The following VDAC1 variants were observed in gnomAD, a reference collection of about 807,000 sequenced individuals.
VDAC1 encodes the protein non-selective voltage-gated ion channel VDAC1.
Under a neutral mutation model 34.7 loss-of-function variants are expected in VDAC1, and 10 were observed. The ratio of observed to expected loss-of-function variants is 0.29; its 90% CI spans 0.18 to 0.49. The LOEUF is 0.49. VDAC1 is among the 20% of genes least tolerant of loss of function. VDAC1 has a pLI of 0.99. For synonymous variants in VDAC1, 130 were observed against 136.0 expected (o/e 0.96, Z 0.30); for missense variants, 230 against 347.9 (o/e 0.66, Z 2.69).
At chr5:134,025,272 G>A in the VDAC1 span, among the ~76,000 whole-genome samples, 1 of 152,122 alleles carries the variant, frequency 6.6e-6, no homozygotes, top group Non-Finnish European at 1.5e-5. Context: ...GCATGGGGTT[G>A]GGAGGAGGTT....
the VDAC1 span, among the ~76,000 whole-genome samples, chr5:134,070,924 C>T: frequency 6.6e-6 from 1 of 152,180 alleles, no homozygotes; most frequent in Non-Finnish European, 1.5e-5. Context: ...AGAACTTGTA[C>T]AAATTTATTG....
chr5:134,011,564 G>A, the VDAC1 span, among the ~76,000 whole-genome samples: 5,293 of 151,632 alleles, frequency 0.035, 315 homozygotes, highest in African/African-American at 0.12. Flanking sequence ...CAGATGTTAC[G>A]GATCTTGACA....
At chr5:134,112,252 C>T in the VDAC1 span, among the ~76,000 whole-genome samples, 1 of 152,198 alleles carries the variant, frequency 6.6e-6, no homozygotes, top group Admixed American at 6.5e-5. Context: ...TCTTTCTGTC[C>T]ATTACCTGTA....
the VDAC1 span, among the ~76,000 whole-genome samples, chr5:134,096,632 G>T: frequency 6.6e-6 from 1 of 150,750 alleles, no homozygotes; most frequent in Non-Finnish European, 1.5e-5. Flanking sequence ...TTGAGACAGG[G>T]TCTCACTCTG....
the VDAC1 span, among the ~76,000 whole-genome samples, chr5:134,054,072 A>C: frequency 6.6e-6 from 1 of 152,194 alleles, no homozygotes; most frequent in Non-Finnish European, 1.5e-5. Flanking sequence ...GCAGTAAAAC[A>C]TTTCAATTAT....
chr5:133,986,194 A>G (rs1241811817), intron 5 of VDAC1, among the ~76,000 whole-genome samples: 1 of 152,194 alleles, frequency 6.6e-6, no homozygotes, highest in Non-Finnish European at 1.5e-5. Flanking sequence ...ATGGATACTC[A>G]GCGTGGGTGC....
At chr5:134,070,350 G>C in the VDAC1 span, among the ~76,000 whole-genome samples, 1 of 152,006 alleles carries the variant, frequency 6.6e-6, no homozygotes, top group Non-Finnish European at 1.5e-5. Flanking sequence ...ATCCTATCTA[G>C]TCACCCTAGT....
upstream of VDAC1, chr5:134,005,520 T>A (rs979537767): frequency 6.6e-6 from 1 of 152,236 alleles, no homozygotes; most frequent in Admixed American, 6.5e-5. Context: ...TTTCCATGCA[T>A]TTGAGAGGCA....
chr5:134,037,869 AAT>A, the VDAC1 span, among the ~76,000 whole-genome samples: 1 of 152,220 alleles, frequency 6.6e-6, no homozygotes, highest in African/African-American at 2.4e-5. Flanking sequence ...GTATTGTATC[AAT>A]GTTAACTCCT....
At chr5:134,033,193 T>C in the VDAC1 span, among the ~76,000 whole-genome samples, 8 of 146,796 alleles carry the variant, frequency 5.4e-5, no homozygotes, top group Non-Finnish European at 8.9e-5. Context: ...CGTCTGGCTC[T>C]GTCACCCAGG....
chr5:133,996,330 C>A (rs901935807), intron 1 of VDAC1, among the ~76,000 whole-genome samples: 1 of 152,204 alleles, frequency 6.6e-6, no homozygotes, highest in Non-Finnish European at 1.5e-5. Flanking sequence ...GCCTGCCAGT[C>A]TACCTACCCA....
chr5:133,989,157 G>A (rs527616126), intron 5 of VDAC1: 1 of 152,312 alleles, frequency 6.6e-6, no homozygotes, highest in African/African-American at 2.4e-5. Flanking sequence ...ATCTCCAGAG[G>A]ATAGGAACCA....
chr5:134,074,939 G>A, the VDAC1 span, among the ~76,000 whole-genome samples: 3 of 152,092 alleles, frequency 2.0e-5, no homozygotes, highest in African/African-American at 2.4e-5. Context: ...GACTGCCCCA[G>A]ACTCCAGACC....
At chr5:134,078,781 G>C in the VDAC1 span, among the ~76,000 whole-genome samples, 1 of 149,912 alleles carries the variant, frequency 6.7e-6, no homozygotes, top group Non-Finnish European at 1.5e-5. Flanking sequence ...CTCCCAAGTA[G>C]CTGGGATTAC....
chr5:134,101,816 C>T, the VDAC1 span, among the ~76,000 whole-genome samples: 1 of 152,214 alleles, frequency 6.6e-6, no homozygotes, highest in Non-Finnish European at 1.5e-5. Flanking sequence ...TGATGTGGGG[C>T]TCCAGCAGGA....
At chr5:133,980,689 A>AAGC in intron 6 of VDAC1, 40 bp downstream of exon 6, 1 of 564,058 alleles carries the variant, frequency 1.8e-6, no homozygotes, top group Non-Finnish European at 3.4e-6. Context: ...ACATGCTCCA[A>AAGC]CCCCACCCCT....
At chr5:134,010,573 G>A in the VDAC1 span, among the ~76,000 whole-genome samples, 1 of 152,228 alleles carries the variant, frequency 6.6e-6, no homozygotes, top group South Asian at 2.1e-4. Flanking sequence ...ACTCCAGCCT[G>A]GGGGACAAGA....
chr5:134,045,546 C>A, the VDAC1 span, among the ~76,000 whole-genome samples: 1 of 152,326 alleles, frequency 6.6e-6, no homozygotes, highest in South Asian at 2.1e-4. Context: ...ATCTCCAAAT[C>A]TGTCTCTGGC....
chr5:134,099,053 G>A, the VDAC1 span, among the ~76,000 whole-genome samples: 1 of 152,220 alleles, frequency 6.6e-6, no homozygotes, highest in Non-Finnish European at 1.5e-5. Context: ...TGACACAGAG[G>A]AGAAACGGAG....
Sources: allele counts gnomAD v4.1 joint callset (sites outside exome capture counted in the v4.1 genomes callset), GRCh38; gene constraint gnomAD v4.1.1; transcripts MANE v1.5; gene names NCBI Gene and HGNC (gene_info 2026-07-23, HGNC 2026-07-21).